PIK3R5: variants seen among roughly 807,000 people sequenced by gnomAD.
PIK3R5 encodes phosphoinositide-3-kinase regulatory subunit 5, also known as phosphoinositide 3-kinase regulatory subunit 5.
Under a neutral mutation model 94.9 loss-of-function variants are expected in PIK3R5, and 32 were observed. That is an observed-to-expected ratio of 0.34 (90% CI 0.25 to 0.45). The LOEUF is 0.45. Ranked by LOEUF, PIK3R5 falls within the 20% of genes least tolerant of loss-of-function variation. PIK3R5 has a pLI of 1.00. For missense variants in PIK3R5, 853 were observed against 1,144.6 expected (o/e 0.75, Z 3.68); for synonymous variants, 443 against 479.4 (o/e 0.92, Z 0.99).
chr17:8,921,275 G>T lies in PIK3R5; in HGVS notation c.-13-9768C>A, dbSNP rs916878949. On this transcript the variant is annotated intron_variant, in intron 1 of 18. Coordinates refer to ENST00000447110, the MANE Select transcript of PIK3R5 (RefSeq NM_001142633.3). ...CATTTATTTTATTACTCACTGTTTT[G>T]TTTTGTACCCTACCATTCCTACTTA... Among the ~76,000 whole-genome samples, 4 of 152,082 alleles carry T rather than the reference G, an allele frequency of 2.6e-5. No individual in the cohort carries two copies. In the South Asian group the frequency reaches 6.2e-4, roughly 24 times the overall value.
At chr17:8,958,898 C>T (rs1444534707) in intron 1 of PIK3R5, among the ~76,000 whole-genome samples, 1 of 152,098 alleles carries the variant, frequency 6.6e-6, no homozygotes, top group Non-Finnish European at 1.5e-5. Flanking sequence ...GCTGGGATTA[C>T]AGGCATGTGC....
chr17:8,888,508 G>T lies in PIK3R5; in HGVS notation c.1279C>A (p.Leu427Ile). ...ACCAGCTGGCTGGTGCTCTTGAAGA[G>T]TTTATAGATCCTGATGAACTTCTGC... is the stretch of plus-strand genomic sequence containing the variant. ...PGQKFIRIYK[L>I]FKSTSQLVLR... is the part of the protein sequence containing the mutation. The change falls in exon 10 of 19, where the codon CTC becomes ATC. Residue 427 changes from leucine (L) to isoleucine (I), a missense_variant. Physicochemically the swap from Leu to Ile is conservative, Grantham distance 5. This residue lies in a region of PIK3R5 where 319 missense variants were observed against 339.8 expected (regional missense o/e 0.94). Transcript: ENST00000447110. This position sits in a 1 kb window ranked among gnomAD's most constrained non-coding sequence, Gnocchi z 7.8. The T allele has an allele frequency of 1.2e-6, 2 of 1,610,290 alleles. No homozygotes were observed. The highest frequency in any genetic ancestry group is 8.5e-7 in the Non-Finnish European group (1 of 1,179,076).
intron 1 of PIK3R5, among the ~76,000 whole-genome samples, chr17:8,952,930 A>G (rs1016467797): frequency 3.3e-5 from 5 of 152,286 alleles, no homozygotes; most frequent in African/African-American, 1.2e-4. Flanking sequence ...CCATGGCTGC[A>G]ACCCAATCCC....
At chr17:8,959,906 G>A (rs1597441118) in intron 1 of PIK3R5, among the ~76,000 whole-genome samples, 1 of 152,280 alleles carries the variant, frequency 6.6e-6, no homozygotes, top group East Asian at 1.9e-4. Flanking sequence ...CTGTGGTTGG[G>A]GACTCAACTC....
chr17:8,885,034 T>C, intron 14 of PIK3R5: 1 of 477,932 alleles, frequency 2.1e-6, no homozygotes, highest in Non-Finnish European at 3.8e-6. Flanking sequence ...GTCCTGCCTC[T>C]CCAGGGCCCC....
At chr17:8,883,245 T>A (rs2089724816) in intron 15 of PIK3R5, among the ~76,000 whole-genome samples, 1 of 152,148 alleles carries the variant, frequency 6.6e-6, no homozygotes, top group Non-Finnish European at 1.5e-5. Flanking sequence ...GGCGGGCACC[T>A]GCTACCCAGC....
chr17:8,951,199 T>C (rs1420366893), intron 1 of PIK3R5, among the ~76,000 whole-genome samples: 1 of 152,242 alleles, frequency 6.6e-6, no homozygotes, highest in African/African-American at 2.4e-5. Flanking sequence ...ACTCTGGATA[T>C]TAGACCTTTG....
At chr17:8,924,901 T>C (rs1198805938) in intron 1 of PIK3R5, among the ~76,000 whole-genome samples, 1 of 152,228 alleles carries the variant, frequency 6.6e-6, no homozygotes, top group Non-Finnish European at 1.5e-5. Flanking sequence ...TTTAGCCCAG[T>C]CTAGAACTCT....
rs2090087043 is a variant in PIK3R5, at chr17:8,893,917, T to G, written c.413-262A>C. On this transcript the variant is annotated intron_variant, in intron 5 of 18. Transcript: ENST00000447110. This position sits in a 1 kb window ranked among gnomAD's most constrained non-coding sequence, Gnocchi z 5.1. ...TCCTGGGCCTCGCTGTCCTCTGGAT[T>G]CCCGTGGCCTCTCTGACTGCCCTCC... 2 of 322,830 alleles carry G rather than the reference T, an allele frequency of 6.2e-6. No individual in the cohort carries two copies. The highest frequency in any genetic ancestry group is 4.3e-5 in the African/African-American group (2 of 46,622). The allele number at this position is 322,830 out of a possible 1,614,324, so 20.0% of individuals were successfully genotyped here. A position where few individuals can be genotyped will look rare whatever the true frequency, so the allele number is the denominator to read the frequency against.
At position 8,886,997 on chromosome 17, in the gene PIK3R5, T is replaced by C. The variant is rs770410887; in HGVS notation, c.1905+99A>G. The C allele has an allele frequency of 3.6e-5, 51 of 1,400,626 alleles. 1 individual carries two copies. Among genetic ancestry groups the C allele is most frequent in the South Asian group, 2.9e-4 (22 of 76,270 alleles). 86.8% of individuals were successfully genotyped at this position (1,400,626 alleles called of 1,614,324 possible). ...TTTCCAAGAGGGCCCAGGTCCTCCA[T>C]GGGGGCCTCAAGCCTGATTCCCTAA... On this transcript the variant is annotated intron_variant, in intron 12 of 18. Coordinates refer to ENST00000447110, the MANE Select transcript of PIK3R5 (RefSeq NM_001142633.3).
chr17:8,923,783 T>C (rs1429900802), intron 1 of PIK3R5, among the ~76,000 whole-genome samples: 7 of 151,974 alleles, frequency 4.6e-5, no homozygotes, highest in African/African-American at 1.7e-4. Flanking sequence ...ATGTAAAAAC[T>C]CAAGAAAGGC....
intron 5 of PIK3R5, among the ~76,000 whole-genome samples, chr17:8,903,456 GA>G (rs1255338337): frequency 6.7e-6 from 1 of 149,896 alleles, no homozygotes; most frequent in Non-Finnish European, 1.5e-5. Context: ...CTTTCAAATA[GA>G]TTTTTTTATT....
rs1384033447 is a variant in PIK3R5, at chr17:8,890,891, T to C, written c.504A>G (p.Pro168=). Residue 168 remains proline (P), a synonymous_variant, in exon 7 of 19, where the codon CCA becomes CCG. Transcript: ENST00000447110. The surrounding 1 kb of genome is among the most constrained non-coding windows in gnomAD (Gnocchi z 6.1). ...SSTVTVLLLN[P]VEVQAEFLAV... ...CAAGGAACTCGGCCTGCACTTCCAC[T>C]GGGTTCAGCAGCAGCACGGTGCTGG... The C allele has an allele frequency of 6.2e-7, 1 of 1,613,838 alleles. No homozygotes were observed. The highest frequency in any genetic ancestry group is 1.1e-5 in the South Asian group (1 of 90,990).
At chr17:8,931,957 A>G (rs753100399) in intron 1 of PIK3R5, among the ~76,000 whole-genome samples, 1 of 152,212 alleles carries the variant, frequency 6.6e-6, no homozygotes, top group Non-Finnish European at 1.5e-5. Flanking sequence ...GCAGAATACA[A>G]TTCTTTAAAG....
rs61759650 is a variant in PIK3R5 at position 8,892,544 on chromosome 17, G to A, written c.482+1042C>T. 2.0e-3 allele frequency among the ~76,000 whole-genome samples: 311 copies of A among 152,212 alleles called. 1 individual carries two copies. The highest frequency in any genetic ancestry group is 6.9e-3 in the African/African-American group (288 of 41,522). ...TAAATGAGTCAGCACATGTAACCATGCTTAGGATGGTGCCTGGAGTCCGAA... is the reference window on the plus strand; with the variant it reads ...TAAATGAGTCAGCACATGTAACCATACTTAGGATGGTGCCTGGAGTCCGAA... On this transcript the variant is annotated intron_variant, in intron 6 of 18. Coordinates refer to ENST00000447110, the MANE Select transcript of PIK3R5 (RefSeq NM_001142633.3). This position sits in a 1 kb window ranked among gnomAD's most constrained non-coding sequence, Gnocchi z 4.3.
intron 5 of PIK3R5, among the ~76,000 whole-genome samples, chr17:8,898,496 T>C (rs1274723166): frequency 6.6e-6 from 1 of 152,236 alleles, no homozygotes. Context: ...TGACTTTTGG[T>C]ATCAAAGAGA....
chr17:8,945,623 T>C lies in PIK3R5; in HGVS notation c.-14+19973A>G, dbSNP rs1389307810. Reference sequence around the variant, plus strand: ...AGAAACAACACAAAATGAGAACTCCTCCCCAGAAAAATAGAAAGTACTTAT... The same window carrying C: ...AGAAACAACACAAAATGAGAACTCCCCCCCAGAAAAATAGAAAGTACTTAT... On this transcript the variant is annotated intron_variant, in intron 1 of 18. Coordinates refer to ENST00000447110, the MANE Select transcript of PIK3R5 (RefSeq NM_001142633.3). This position sits in a 1 kb window ranked among gnomAD's most constrained non-coding sequence, Gnocchi z 4.0. Among the ~76,000 whole-genome samples, 2 of 152,044 alleles carry C rather than the reference T, an allele frequency of 1.3e-5. No individual in the cohort carries two copies. Among genetic ancestry groups the C allele is most frequent in the East Asian group, 3.9e-4 (2 of 5,190 alleles).
In PIK3R5 at chr17:8,896,046, A is replaced by G. The variant is rs926163157; in HGVS notation, c.413-2391T>C. The stretch of plus-strand genomic sequence containing the variant: ...GGGCTGGGGCCTGAGCTGGGAACAC[A>G]TTAGAAAAGACTGTGCAATGTGGAG... On this transcript the variant is annotated intron_variant, in intron 5 of 18. Coordinates refer to ENST00000447110, the MANE Select transcript of PIK3R5 (RefSeq NM_001142633.3). This position sits in a 1 kb window ranked among gnomAD's most constrained non-coding sequence, Gnocchi z 4.0. Among the ~76,000 whole-genome samples the G allele has an allele frequency of 1.3e-5, 2 of 152,186 alleles. No individual in the cohort carries two copies. The highest frequency in any genetic ancestry group is 1.3e-4 in the Admixed American group (2 of 15,282).
chr17:8,957,105 A>T (rs114796063), intron 1 of PIK3R5, among the ~76,000 whole-genome samples: 4,846 of 152,332 alleles, frequency 0.032, 93 homozygotes, highest in Middle Eastern at 0.068. Context: ...ATGTTCTCAG[A>T]ACAACCAGCG....
Sources: gnomAD v4.1 joint callset for allele counts (sites outside exome capture counted in the v4.1 genomes callset) on GRCh38, gnomAD v4.1.1 for gene constraint, gnomAD v4.1.1 regional missense constraint, Gnocchi (gnomAD v3.1) non-coding constraint, MANE v1.5 for transcripts, NCBI Gene and HGNC (gene_info 2026-07-23, HGNC 2026-07-21) for gene names.